Variants in ACVR1 observed in about 807,000 individuals in gnomAD.
ACVR1 encodes activin A receptor type 1, also known as activin receptor type-1.
Under a neutral mutation model 57.1 loss-of-function variants are expected in ACVR1, and 38 were observed. That is an observed-to-expected ratio of 0.67 (90% CI 0.51 to 0.87). The LOEUF is 0.87. ACVR1 is among the 40% of genes least tolerant of loss of function. ACVR1 has a pLI of 0.00. For synonymous variants in ACVR1, 212 were observed against 228.1 expected, an observed-to-expected ratio of 0.93 and a Z score of 0.63; for missense variants, 463 against 638.2, an observed-to-expected ratio of 0.73 and a Z score of 2.96.
intron 2 of ACVR1, among the ~76,000 whole-genome samples, chr2:157,815,351 T>A (rs1476493755): frequency 1.3e-5 from 2 of 152,068 alleles, no homozygotes; most frequent in African/African-American, 4.8e-5. Context: ...GAGACTTAGT[T>A]TTCACTCTAC....
At position 157,826,782 on chromosome 2, in the gene ACVR1, AAAGG is replaced by A. The variant is rs1349111685; in HGVS notation, c.-182-8227_-182-8224del. ...AAAGGAAAGGAAAGGAAAGGAAAGG[AAAGG>A]AAAGGGAAAGGGAAAAGGAAAAGGA... On this transcript the variant is annotated intron_variant, in intron 1 of 10. Transcript: ENST00000434821. 282 of 89,116 alleles carry A rather than the reference AAAGG, an allele frequency of 3.2e-3. 5 individuals carry two copies. The highest frequency in any genetic ancestry group is 0.015 in the African/African-American group (236 of 15,850). 5.5% of individuals were successfully genotyped at this position (89,116 alleles called of 1,614,324 possible).
At chr2:157,833,242 G>A (rs1172950301) in intron 1 of ACVR1, among the ~76,000 whole-genome samples, 1 of 152,126 alleles carries the variant, frequency 6.6e-6, no homozygotes, top group African/African-American at 2.4e-5. Context: ...TACTGCACAG[G>A]TTGGCTTCCT....
chr2:157,858,411 C>T (rs896069653), intron 1 of ACVR1, among the ~76,000 whole-genome samples: 3 of 152,128 alleles, frequency 2.0e-5, no homozygotes, highest in Non-Finnish European at 4.4e-5. Flanking sequence ...GAAGCAGAGG[C>T]TCTCATCTGT....
intron 3 of ACVR1, among the ~76,000 whole-genome samples, chr2:157,787,171 C>T (rs1225732123): frequency 6.6e-6 from 1 of 152,162 alleles, no homozygotes; most frequent in East Asian, 1.9e-4. Context: ...TTTCAAGTGA[C>T]TAACAAATTA....
chr2:157,736,720 G>A lies in ACVR1; in HGVS notation c.*811C>T. Reference sequence around the variant, plus strand: ...AGTTACAGTCTACACACATACAAATGTGAAGCACTTAAAATGTGATTTTAA... The same window carrying A: ...AGTTACAGTCTACACACATACAAATATGAAGCACTTAAAATGTGATTTTAA... On this transcript the variant is annotated 3_prime_UTR_variant, in exon 11 of 11. Coordinates refer to ENST00000434821, the MANE Select transcript of ACVR1 (RefSeq NM_001111067.4). The A allele has an allele frequency of 2.9e-6, 1 of 340,924 alleles. No homozygotes were observed. The highest frequency in any genetic ancestry group is 5.4e-6 in the Non-Finnish European group (1 of 185,576). 21.1% of individuals were successfully genotyped at this position (340,924 alleles called of 1,614,324 possible). A position where few individuals can be genotyped will look rare whatever the true frequency, so the allele number is the denominator to read the frequency against.
intron 9 of ACVR1, among the ~76,000 whole-genome samples, chr2:157,743,190 C>T (rs930941717): frequency 3.9e-5 from 6 of 152,132 alleles, no homozygotes; most frequent in African/African-American, 1.4e-4. Flanking sequence ...ACCTCACATC[C>T]TCCCAAGCTT....
intron 3 of ACVR1, among the ~76,000 whole-genome samples, chr2:157,792,829 T>A (rs1345442483): frequency 6.6e-6 from 1 of 152,240 alleles, no homozygotes; most frequent in African/African-American, 2.4e-5. Context: ...TGGGTCTTAC[T>A]CCAAAATGTT....
chr2:157,775,958 A>G (rs2105274696), intron 5 of ACVR1, among the ~76,000 whole-genome samples: 1 of 152,276 alleles, frequency 6.6e-6, no homozygotes, highest in East Asian at 1.9e-4. Context: ...CCCTGGTCTC[A>G]AGTGATCTTC....
At chr2:157,844,053 A>C (rs532277547) in intron 1 of ACVR1, among the ~76,000 whole-genome samples, 5 of 152,256 alleles carry the variant, frequency 3.3e-5, no homozygotes, top group Non-Finnish European at 4.4e-5. Context: ...TTCAAAGAGC[A>C]GCTGTGCTTA....
At chr2:157,774,017 T>C in intron 6 of ACVR1, 71 bp downstream of exon 6, 1 of 1,362,874 alleles carries the variant, frequency 7.3e-7, no homozygotes, top group Non-Finnish European at 1.0e-6. Context: ...ATTTTCCAAG[T>C]TCCATCTTTT....
intron 7 of ACVR1, among the ~76,000 whole-genome samples, chr2:157,767,039 CT>C: frequency 1.3e-5 from 2 of 149,066 alleles, no homozygotes; most frequent in African/African-American, 2.5e-5. Flanking sequence ...TTTTCTTTTT[CT>C]TTTTTTTTGA....
At chr2:157,855,506 G>T (rs576150726) in intron 1 of ACVR1, among the ~76,000 whole-genome samples, 149 of 151,796 alleles carry the variant, frequency 9.8e-4, no homozygotes, top group African/African-American at 3.3e-3. Flanking sequence ...ATGAACAACT[G>T]ATGAGTCCTC....
rs190160255 is a variant in ACVR1 at position 157,824,511 on chromosome 2, A to G, written c.-182-5952T>C. Among the ~76,000 whole-genome samples, 416 of 152,330 alleles carry G rather than the reference A, an allele frequency of 2.7e-3. 2 individuals carry two copies. Among genetic ancestry groups the G allele is most frequent in the African/African-American group, 9.5e-3 (397 of 41,572 alleles). ...AAGCAACTTTGAAATAAATATTACAAAGGGCTCCATAGGAAGCCTGAAAAG... is the reference window on the plus strand; with the variant it reads ...AAGCAACTTTGAAATAAATATTACAGAGGGCTCCATAGGAAGCCTGAAAAG... On this transcript the variant is annotated intron_variant, in intron 1 of 10. Coordinates refer to ENST00000434821, the MANE Select transcript of ACVR1 (RefSeq NM_001111067.4).
rs1491215543 is a variant in ACVR1, at chr2:157,863,337, T to TC, written c.-183+12458_-183+12459insG. On this transcript the variant is annotated intron_variant, in intron 1 of 10. Transcript: ENST00000434821. ...CTATAGAACAGTTAAATTGTTTCTC[T>TC]TTTTTTTTTTTTTTTTTTTTTTTTT... Among the ~76,000 whole-genome samples the TC allele has an allele frequency of 1.9e-3, 46 of 24,466 alleles. 2 individuals are homozygous for TC. Among genetic ancestry groups the TC allele is most frequent in the African/African-American group, 7.3e-3 (27 of 3,682 alleles). 16.1% of individuals were successfully genotyped at this position (24,466 alleles called of 152,430 possible). A position where few individuals can be genotyped will look rare whatever the true frequency, so the allele number is the denominator to read the frequency against.
At chr2:157,800,285 A>G (rs1386397779) in intron 2 of ACVR1, among the ~76,000 whole-genome samples, 1 of 152,126 alleles carries the variant, frequency 6.6e-6, no homozygotes, top group South Asian at 2.1e-4. Context: ...TAAAGCAAAG[A>G]GTGGAAGCCC....
intron 7 of ACVR1, 116 bp downstream of exon 7, chr2:157,770,252 C>G: frequency 8.9e-7 from 1 of 1,123,766 alleles, no homozygotes; most frequent in East Asian, 2.4e-5. Flanking sequence ...CTAAGGATCC[C>G]TATATTGCTT....
chr2:157,866,123 C>T (rs561719541), intron 1 of ACVR1, among the ~76,000 whole-genome samples: 27 of 152,136 alleles, frequency 1.8e-4, no homozygotes, highest in African/African-American at 6.3e-4. Context: ...TATTACTGTG[C>T]ACATGTAATG....
intron 2 of ACVR1, among the ~76,000 whole-genome samples, chr2:157,806,388 C>A (rs1475646252): frequency 2.6e-5 from 4 of 152,092 alleles, no homozygotes; most frequent in Non-Finnish European, 4.4e-5. Flanking sequence ...TTCTAGCCCC[C>A]ATCCTCCATC....
At chr2:157,830,137 T>C (rs1470125468) in intron 1 of ACVR1, among the ~76,000 whole-genome samples, 1 of 152,156 alleles carries the variant, frequency 6.6e-6, no homozygotes, top group Non-Finnish European at 1.5e-5. Context: ...GAGAATTGCT[T>C]GAACCCAGGA....
Sources: gnomAD v4.1 joint callset for allele counts (sites outside exome capture counted in the v4.1 genomes callset) on GRCh38, gnomAD v4.1.1 for gene constraint, MANE v1.5 for transcripts, NCBI Gene and HGNC (gene_info 2026-07-23, HGNC 2026-07-21) for gene names.